Variants in PTPRD observed in about 807,000 individuals in gnomAD.
PTPRD encodes the protein receptor-type tyrosine-protein phosphatase delta.
A neutral mutation model predicts 214.5 loss-of-function variants in PTPRD; 34 were observed. The ratio of observed to expected loss-of-function variants is 0.16; its 90% CI spans 0.12 to 0.21. The LOEUF (loss-of-function observed/expected upper bound fraction) is 0.21. Among genes scored for constraint, PTPRD ranks in the 10% least tolerant of loss-of-function variants. PTPRD has a pLI of 1.00. For missense variants in PTPRD, 2,545 were observed against 2,398.7 expected (o/e 1.06, Z -1.27); for synonymous variants, 1,128 against 845.7 (o/e 1.33, Z -5.79).
intron 5 of PTPRD, among the ~76,000 whole-genome samples, chr9:9,848,341 A>C (rs1361857237): frequency 6.6e-6 from 1 of 152,190 alleles, no homozygotes; most frequent in Non-Finnish European, 1.5e-5. Context: ...CCACTAGACC[A>C]TATGCTTCCT....
At chr9:10,300,751 G>A (rs937398406) in intron 3 of PTPRD, among the ~76,000 whole-genome samples, 1 of 152,100 alleles carries the variant, frequency 6.6e-6, no homozygotes, top group African/African-American at 2.4e-5. Context: ...CTGAAAAAAA[G>A]GCAGCAGCCC....
intron 5 of PTPRD, among the ~76,000 whole-genome samples, chr9:9,910,690 G>A (rs1381518273): frequency 6.6e-6 from 1 of 151,798 alleles, no homozygotes; most frequent in Non-Finnish European, 1.5e-5. Flanking sequence ...AGATGTATTT[G>A]TCATTTTCTT....
At chr9:9,629,345 C>T (rs929296808) in intron 7 of PTPRD, among the ~76,000 whole-genome samples, 3 of 151,336 alleles carry the variant, frequency 2.0e-5, no homozygotes, top group Admixed American at 6.6e-5. Context: ...TTATATATCA[C>T]TATGATAAAC....
intron 2 of PTPRD, among the ~76,000 whole-genome samples, chr9:10,545,347 A>T (rs2059964531): frequency 6.6e-6 from 1 of 152,130 alleles, no homozygotes; most frequent in African/African-American, 2.4e-5. Flanking sequence ...GTATTGTTAG[A>T]TATATAGTTT....
At chr9:9,624,824 T>C (rs975542991) in intron 7 of PTPRD, among the ~76,000 whole-genome samples, 48 of 103,542 alleles carry the variant, frequency 4.6e-4, no homozygotes, top group African/African-American at 1.9e-3. Context: ...ACTGAATAGA[T>C]GCATTGAAAA....
At chr9:9,666,248 T>C (rs1173541709) in intron 7 of PTPRD, among the ~76,000 whole-genome samples, 1 of 152,002 alleles carries the variant, frequency 6.6e-6, no homozygotes. Flanking sequence ...TAAACATTTA[T>C]ACACTGGTAT....
chr9:8,468,798 G>T lies in PTPRD; in HGVS notation c.3504+2197C>A. On this transcript the variant is annotated intron_variant, in intron 31 of 45. Coordinates refer to ENST00000381196, the MANE Select transcript of PTPRD (RefSeq NM_002839.4). ...TACAGTGCTTTTATTATCCATGGTA[G>T]AAAAAAAAAAAAAAAAAAACTCTCT... 4.0e-5 allele frequency among the ~76,000 whole-genome samples: 5 copies of T among 123,524 alleles called. No homozygotes were observed. The East Asian group carries it at 7.3e-4, about 18-fold the overall frequency. The allele number at this position is 123,524 out of a possible 152,430, so 81.0% of individuals were successfully genotyped here. A position where few individuals can be genotyped will look rare whatever the true frequency, so the allele number is the denominator to read the frequency against.
At chr9:8,368,297 A>G (rs1360069966) in intron 39 of PTPRD, among the ~76,000 whole-genome samples, 1 of 152,178 alleles carries the variant, frequency 6.6e-6, no homozygotes, top group Non-Finnish European at 1.5e-5. Context: ...GAAAGTAATA[A>G]TGCACATCTG....
chr9:9,369,707 T>C (rs201838468), intron 9 of PTPRD, among the ~76,000 whole-genome samples: 1 of 152,262 alleles, frequency 6.6e-6, no homozygotes, highest in East Asian at 1.9e-4. Context: ...CTGAATGGTA[T>C]TGCCTAGGTT....
chr9:9,797,794 G>A (rs773404748), intron 5 of PTPRD, among the ~76,000 whole-genome samples: 58 of 152,274 alleles, frequency 3.8e-4, no homozygotes, highest in Admixed American at 1.8e-3. Flanking sequence ...GTTGTAGTAA[G>A]CTGAGATCGC....
At chr9:10,266,141 A>G (rs2094039400) in intron 3 of PTPRD, among the ~76,000 whole-genome samples, 1 of 152,136 alleles carries the variant, frequency 6.6e-6, no homozygotes, top group South Asian at 2.1e-4. Context: ...AGACACACAC[A>G]TACACACACA....
At chr9:9,627,206 C>G (rs1281962599) in intron 7 of PTPRD, among the ~76,000 whole-genome samples, 1 of 152,094 alleles carries the variant, frequency 6.6e-6, no homozygotes, top group Non-Finnish European at 1.5e-5. Flanking sequence ...ACTTGGGAGG[C>G]TGAAGCAGGA....
chr9:9,560,024 G>A (rs979951141), intron 8 of PTPRD, among the ~76,000 whole-genome samples: 4 of 152,156 alleles, frequency 2.6e-5, no homozygotes, highest in African/African-American at 9.7e-5. Context: ...GCCCCCTCAA[G>A]TCGGGCTTCT....
chr9:9,318,635 T>C (rs559490404), intron 9 of PTPRD, among the ~76,000 whole-genome samples: 5 of 152,314 alleles, frequency 3.3e-5, no homozygotes, highest in South Asian at 2.1e-4. Flanking sequence ...TTTCCCTTTA[T>C]AAACACAGAC....
chr9:8,644,173 C>A (rs1252730794), intron 12 of PTPRD, among the ~76,000 whole-genome samples: 1 of 152,096 alleles, frequency 6.6e-6, no homozygotes, highest in African/African-American at 2.4e-5. Flanking sequence ...GAGCTACCCT[C>A]TCTGATGAGA....
intron 9 of PTPRD, among the ~76,000 whole-genome samples, chr9:9,240,990 C>T (rs1284678276): frequency 6.6e-6 from 1 of 152,004 alleles, no homozygotes; most frequent in Non-Finnish European, 1.5e-5. Flanking sequence ...CTGAAATGTA[C>T]AGGTTTCTGA....
rs76966603 is a variant in PTPRD at position 9,175,739 on chromosome 9, C to A, written c.-143+7565G>T. On this transcript the variant is annotated intron_variant, in intron 10 of 45. Coordinates refer to ENST00000381196, the MANE Select transcript of PTPRD (RefSeq NM_002839.4). ...TTCTTTGTGTGATCCGATTGTATTA[C>A]TCCATATTTCTACCGGCCCAAGTAC... 5.1e-3 allele frequency among the ~76,000 whole-genome samples: 770 copies of A among 150,492 alleles called. 8 individuals carry two copies. The highest frequency in any genetic ancestry group is 0.017 in the African/African-American group (702 of 40,928).
At chr9:10,561,226 C>A (rs2063884779) in intron 2 of PTPRD, among the ~76,000 whole-genome samples, 1 of 152,004 alleles carries the variant, frequency 6.6e-6, no homozygotes, top group South Asian at 2.1e-4. Flanking sequence ...TTGACTTTTT[C>A]ATTTGAAAAG....
chr9:9,983,510 C>T (rs549057309), intron 4 of PTPRD, among the ~76,000 whole-genome samples: 1 of 152,164 alleles, frequency 6.6e-6, no homozygotes, highest in Non-Finnish European at 1.5e-5. Flanking sequence ...CAATAAAATA[C>T]AGGCAAAGCA....
Sources: allele counts gnomAD v4.1 joint callset (sites outside exome capture counted in the v4.1 genomes callset), GRCh38; gene constraint gnomAD v4.1.1; transcripts MANE v1.5; gene names NCBI Gene and HGNC (gene_info 2026-07-23, HGNC 2026-07-21).